TSPAN9: variants seen among roughly 807,000 people sequenced by gnomAD.
TSPAN9 encodes the protein tetraspanin-9.
TSPAN9 carries 16 observed loss-of-function variants against 31.0 expected under a neutral mutation model. The observed-to-expected ratio is 0.52, with a 90% CI of 0.35 to 0.78. TSPAN9 has a LOEUF of 0.78. TSPAN9 is among the 30% of genes least tolerant of loss of function. The pLI, the probability that TSPAN9 is intolerant of heterozygous loss-of-function variation, is 0.01. For synonymous variants in TSPAN9, 145 were observed against 121.6 expected, an observed-to-expected ratio of 1.19 and a Z score of -1.27; for missense variants, 272 against 312.5, an observed-to-expected ratio of 0.87 and a Z score of 0.98.
chr12:3,227,886 G>A (rs1388357152), intron 3 of TSPAN9, among the ~76,000 whole-genome samples: 1 of 152,162 alleles, frequency 6.6e-6, no homozygotes, highest in Admixed American at 6.5e-5. Flanking sequence ...TTATAATAAT[G>A]ATCTAACGAT....
intron 2 of TSPAN9, among the ~76,000 whole-genome samples, chr12:3,109,720 C>T (rs1327087592): frequency 1.3e-5 from 2 of 149,366 alleles, no homozygotes; most frequent in Non-Finnish European, 3.0e-5. Flanking sequence ...ATTGCTTGAA[C>T]CTGGGAGGCG....
chr12:3,122,694 A>G (rs1385271149), intron 2 of TSPAN9, among the ~76,000 whole-genome samples: 10 of 152,194 alleles, frequency 6.6e-5, no homozygotes, highest in Non-Finnish European at 5.9e-5. Flanking sequence ...GTGCTCCTGC[A>G]GGGAGGTGGC....
At chr12:3,269,581 T>C (rs571256102) in intron 3 of TSPAN9, among the ~76,000 whole-genome samples, 2 of 151,086 alleles carry the variant, frequency 1.3e-5, no homozygotes, top group African/African-American at 4.9e-5. Flanking sequence ...GCCCTCTCTG[T>C]GTTCCTGCAG....
At chr12:3,228,113 C>T (rs2098388834) in intron 3 of TSPAN9, among the ~76,000 whole-genome samples, 1 of 152,144 alleles carries the variant, frequency 6.6e-6, no homozygotes, top group Non-Finnish European at 1.5e-5. Flanking sequence ...CTTTGGAAGG[C>T]CGAGATGGGA....
chr12:3,235,329 C>A (rs1298860712), intron 3 of TSPAN9, among the ~76,000 whole-genome samples: 10 of 133,542 alleles, frequency 7.5e-5, no homozygotes, highest in Admixed American at 2.4e-4. Context: ...AGAGCACAGA[C>A]CAACAGCGTG....
chr12:3,235,709 C>T (rs1409931004), intron 3 of TSPAN9, among the ~76,000 whole-genome samples: 1 of 152,176 alleles, frequency 6.6e-6, no homozygotes, highest in African/African-American at 2.4e-5. Context: ...GAAGGCGGTG[C>T]CTCTGTGAAC....
rs2098387667 is a variant in TSPAN9 at position 3,226,740 on chromosome 12, GTGTGTATATATA to G, written c.63+25486_63+25497del. 5.3e-3 allele frequency among the ~76,000 whole-genome samples: 70 copies of G among 13,144 alleles called. 16 individuals carry two copies. The highest frequency in any genetic ancestry group is 0.012 in the Admixed American group (9 of 750). The allele number at this position is 13,144 out of a possible 152,430, so 8.6% of individuals were successfully genotyped here. On this transcript the variant is annotated intron_variant, in intron 3 of 8. Coordinates refer to ENST00000011898, the MANE Select transcript of TSPAN9 (RefSeq NM_006675.5). ...TGTATGTGTGTGTGTGTGTGTGTGT[GTGTGTATATATA>G]TATATATATATATATATATATATAT...
At chr12:3,240,774 A>G (rs2098396181) in intron 3 of TSPAN9, among the ~76,000 whole-genome samples, 1 of 152,218 alleles carries the variant, frequency 6.6e-6, no homozygotes, top group Admixed American at 6.5e-5. Flanking sequence ...TGTAGATTTT[A>G]TATATTACAA....
intron 3 of TSPAN9, among the ~76,000 whole-genome samples, chr12:3,272,497 G>A (rs1565641622): frequency 6.9e-6 from 1 of 144,716 alleles, no homozygotes; most frequent in African/African-American, 2.5e-5. Context: ...GTGCATGTGT[G>A]TTTTTTTTTT....
At chr12:3,257,136 G>A (rs564232880) in intron 3 of TSPAN9, among the ~76,000 whole-genome samples, 1 of 152,252 alleles carries the variant, frequency 6.6e-6, no homozygotes, top group Non-Finnish European at 1.5e-5. Flanking sequence ...GGCAAGAGCA[G>A]AAAGTGCTGC....
intron 3 of TSPAN9, among the ~76,000 whole-genome samples, chr12:3,268,826 G>C (rs536353125): frequency 2.6e-5 from 2 of 76,740 alleles, no homozygotes; most frequent in African/African-American, 4.6e-5. Context: ...CCTGCCCTCC[G>C]TGCATTCCTG....
At chr12:3,119,648 C>T (rs373009456) in intron 2 of TSPAN9, among the ~76,000 whole-genome samples, 1 of 152,242 alleles carries the variant, frequency 6.6e-6, no homozygotes, top group Non-Finnish European at 1.5e-5. Flanking sequence ...CACCCCCGCT[C>T]CTCTCCACTG....
intron 3 of TSPAN9, among the ~76,000 whole-genome samples, chr12:3,212,671 C>A (rs1037915647): frequency 1.6e-4 from 25 of 152,184 alleles, no homozygotes; most frequent in African/African-American, 5.6e-4. Context: ...ATGGGGCACC[C>A]AGAGGTGAGA....
rs182788627 is a variant in TSPAN9 at position 3,092,506 on chromosome 12, C to T, written c.-18+8787C>T. Reference sequence around the variant, plus strand: ...TTCCCGAGGGCCCAGTCCTGCAGCACCTATAACACCCAGGAGTGGGCTCTG... The same window carrying T: ...TTCCCGAGGGCCCAGTCCTGCAGCATCTATAACACCCAGGAGTGGGCTCTG... On this transcript the variant is annotated intron_variant, in intron 2 of 8. Transcript: ENST00000011898. Among the ~76,000 whole-genome samples, 600 of 152,250 alleles carry T rather than the reference C, an allele frequency of 3.9e-3. 5 individuals carry two copies. Among genetic ancestry groups the T allele is most frequent in the African/African-American group, 0.014 (572 of 41,544 alleles).
intron 2 of TSPAN9, among the ~76,000 whole-genome samples, chr12:3,160,508 C>T (rs2098344498): frequency 6.6e-6 from 1 of 152,194 alleles, no homozygotes; most frequent in African/African-American, 2.4e-5. Context: ...TTTTGAGGAA[C>T]CACCGAACTG....
At chr12:3,205,455 C>G (rs375049312) in intron 3 of TSPAN9, among the ~76,000 whole-genome samples, 1 of 152,210 alleles carries the variant, frequency 6.6e-6, no homozygotes, top group Non-Finnish European at 1.5e-5. Flanking sequence ...TGGTCGGGCT[C>G]TCCAGCTGCA....
intron 2 of TSPAN9, among the ~76,000 whole-genome samples, chr12:3,197,515 C>G (rs1565609975): frequency 1.3e-5 from 2 of 152,192 alleles, no homozygotes; most frequent in Admixed American, 1.3e-4. Flanking sequence ...TGGGAAGGGG[C>G]TCAGGATGGT....
At position 3,143,212 on chromosome 12, in the gene TSPAN9, G is replaced by A. The variant is rs546136834; in HGVS notation, c.-17-57965G>A. 5.4e-5 allele frequency among the ~76,000 whole-genome samples: 8 copies of A among 149,286 alleles called. No individual in the cohort carries two copies. Among genetic ancestry groups the A allele is most frequent in the Admixed American group, 2.0e-4 (3 of 15,074 alleles). On this transcript the variant is annotated intron_variant, in intron 2 of 8. Coordinates refer to ENST00000011898, the MANE Select transcript of TSPAN9 (RefSeq NM_006675.5). This position sits in a 1 kb window ranked among gnomAD's most constrained non-coding sequence, Gnocchi z 4.2. Reference sequence around the variant, plus strand: ...AGGTGATGTCTGCCAGGTATCTCCCGTATATAAAGTGGCCCCTTTTTCTTT... The same window carrying A: ...AGGTGATGTCTGCCAGGTATCTCCCATATATAAAGTGGCCCCTTTTTCTTT...
intron 2 of TSPAN9, among the ~76,000 whole-genome samples, chr12:3,141,514 G>A (rs1459837380): frequency 6.6e-6 from 1 of 152,166 alleles, no homozygotes; most frequent in Non-Finnish European, 1.5e-5. Context: ...CAGGAGTCCT[G>A]TGTCTTTGAG....
Sources: gnomAD v4.1 joint callset for allele counts (sites outside exome capture counted in the v4.1 genomes callset) on GRCh38, gnomAD v4.1.1 for gene constraint, Gnocchi (gnomAD v3.1) non-coding constraint, MANE v1.5 for transcripts, NCBI Gene and HGNC (gene_info 2026-07-23, HGNC 2026-07-21) for gene names.